Variants in MRPL35 observed in about 807,000 individuals in gnomAD.
MRPL35 encodes large ribosomal subunit protein bL35m.
In MRPL35, 18 loss-of-function variants were observed where a neutral mutation model predicts 21.6. The observed-to-expected ratio is 0.83, with a 90% confidence interval of 0.58 to 1.24. The LOEUF is 1.24. MRPL35 is among the 50% of genes most tolerant of loss of function. The pLI, the probability that MRPL35 is intolerant of heterozygous loss-of-function variation, is 0.00. For synonymous variants in MRPL35, 87 were observed against 86.9 expected (o/e 1.00, Z -0.01); for missense variants, 223 against 223.2 (o/e 1.00, Z 0.01).
At position 86,210,477 on chromosome 2, in the gene MRPL35, C is replaced by T. The variant is rs1237376015; in HGVS notation, c.379-3C>T. The T allele has an allele frequency of 6.2e-7, 1 of 1,600,648 alleles. No individual in the cohort carries two copies. The highest frequency in any genetic ancestry group is 2.2e-5 in the East Asian group (1 of 44,760). On this transcript the variant is annotated splice_polypyrimidine_tract_variant and splice_region_variant and intron_variant, in intron 3 of 3. Coordinates refer to ENST00000337109, the MANE Select transcript of MRPL35 (RefSeq NM_016622.4). The stretch of plus-strand genomic sequence containing the variant: ...TTTTACATTTCTTTGTAATATCTGA[C>T]AGGCTGGCTATAAGAAAAAATTATG...
At chr2:86,200,228 G>T (rs1673659781) in intron 1 of MRPL35, among the ~76,000 whole-genome samples, 1 of 152,104 alleles carries the variant, frequency 6.6e-6, no homozygotes, top group Non-Finnish European at 1.5e-5. Context: ...GAATATACGA[G>T]ATCAGTCAAG....
At chr2:86,207,634 A>T (rs910117240) in intron 3 of MRPL35, among the ~76,000 whole-genome samples, 1 of 152,230 alleles carries the variant, frequency 6.6e-6, no homozygotes, top group African/African-American at 2.4e-5. Context: ...ACTCCGTCTC[A>T]AAAAAGAAAA....
chr2:86,210,512 A>G lies in MRPL35; in HGVS notation c.411A>G (p.Thr137=). The G allele has an allele frequency of 6.2e-7, 1 of 1,609,168 alleles. No homozygotes were observed. Among genetic ancestry groups the G allele is most frequent in the Non-Finnish European group, 8.5e-7 (1 of 1,178,516 alleles). Reference sequence around the variant, plus strand: ...ATAAGAAAAAATTATGGAAAAAGACACCTGCAAGGAAGAAGCGATTGAGGG... The same window carrying G: ...ATAAGAAAAAATTATGGAAAAAGACGCCTGCAAGGAAGAAGCGATTGAGGG... ...AGYKKKLWKK[T]PARKKRLREF... is the part of the protein sequence containing the mutation. Residue 137 remains threonine (T), a synonymous_variant, in exon 4 of 4, where the codon ACA becomes ACG. Transcript: ENST00000337109.
chr2:86,212,390 T>C lies in MRPL35; in HGVS notation c.*1722T>C. On this transcript the variant is annotated 3_prime_UTR_variant, in exon 4 of 4. Coordinates refer to ENST00000337109, the MANE Select transcript of MRPL35 (RefSeq NM_016622.4). ...AAGCCTGAAACATGGAATGGCATTC[T>C]GTTTTGATGGATTTTCATTTCTTCG... 6.2e-7 allele frequency: 1 copy of C among 1,613,778 alleles called. No homozygotes were observed. The highest frequency in any genetic ancestry group is 8.5e-7 in the Non-Finnish European group (1 of 1,179,846).
In MRPL35 at chr2:86,213,060, A is replaced by G. The variant is rs1437136309; in HGVS notation, c.*2392A>G. 11 of 939,536 alleles carry G rather than the reference A, an allele frequency of 1.2e-5. No homozygotes were observed. The highest frequency in any genetic ancestry group is 1.3e-5 in the Non-Finnish European group (10 of 788,092). The allele number at this position is 939,536 out of a possible 1,614,324, so 58.2% of individuals were successfully genotyped here. On this transcript the variant is annotated 3_prime_UTR_variant, in exon 4 of 4. Transcript: ENST00000337109. ...GATTTGAGGAAACTGAAGCTGAGAG[A>G]GGGTTAAGTAAATTACCCAAAGTAC... is the stretch of plus-strand genomic sequence containing the variant.
chr2:86,210,369 C>A, intron 3 of MRPL35, 111 bp from the exon 4 acceptor site: 1 of 679,094 alleles, frequency 1.5e-6, no homozygotes, highest in Non-Finnish European at 2.1e-6. Context: ...AGTCCAGCCC[C>A]TATGGAAGTC....
Position 86,212,450 on chromosome 2 carries a change from C to G in MRPL35, c.*1782C>G. ...GACGGCAAAGCCAACCACTTAGAAG[C>G]CTTCCACATCTTTGTCACCTGCCTG... is the stretch of plus-strand genomic sequence containing the variant. On this transcript the variant is annotated 3_prime_UTR_variant, in exon 4 of 4. Transcript: ENST00000337109. The G allele has an allele frequency of 1.2e-6, 2 of 1,613,742 alleles. No individual in the cohort carries two copies. Among genetic ancestry groups the G allele is most frequent in the Non-Finnish European group, 1.7e-6 (2 of 1,179,838 alleles).
At chr2:86,207,455 A>G (rs1558856129) in intron 3 of MRPL35, 128 bp downstream of exon 3, 27 of 953,642 alleles carry the variant, frequency 2.8e-5, no homozygotes, top group Non-Finnish European at 3.4e-5. Context: ...CTTGGCCAAC[A>G]TGGTGAAACT....
At position 86,213,608 on chromosome 2, in the gene MRPL35, C is replaced by A; in HGVS notation, c.*2940C>A. 1 of 1,550,296 alleles carries A rather than the reference C, an allele frequency of 6.5e-7. No individual in the cohort carries two copies. The highest frequency in any genetic ancestry group is 8.7e-7 in the Non-Finnish European group (1 of 1,146,826). On this transcript the variant is annotated 3_prime_UTR_variant, in exon 4 of 4. Transcript: ENST00000337109. ...CAGGTTTAAGGGTGGCCCTTCACCA[C>A]CCTGTTGTCACCTGCACAGGCACTC... is the stretch of plus-strand genomic sequence containing the variant.
chr2:86,206,059 G>A (rs1673782139), intron 1 of MRPL35, 47 bp from the exon 2 acceptor site: 1 of 1,436,816 alleles, frequency 7.0e-7, no homozygotes, highest in South Asian at 1.3e-5. Context: ...TTTAATATCT[G>A]GATGCATATT....
chr2:86,199,832 A>G (rs186430947), intron 1 of MRPL35, among the ~76,000 whole-genome samples: 18 of 152,280 alleles, frequency 1.2e-4, no homozygotes, highest in African/African-American at 3.8e-4. Context: ...AGTCTCACCT[A>G]ACTTTCTGAT....
intron 1 of MRPL35, among the ~76,000 whole-genome samples, chr2:86,203,980 G>A (rs535825969): frequency 6.6e-6 from 1 of 151,522 alleles, no homozygotes; most frequent in South Asian, 2.1e-4. Context: ...CTCAGGTGGA[G>A]TATTTTTCGC....
intron 2 of MRPL35, 87 bp from the exon 3 acceptor site, chr2:86,207,096 G>T: frequency 7.6e-7 from 1 of 1,321,712 alleles, no homozygotes. Flanking sequence ...CATTGGAGCA[G>T]CTTTACTCAT....
Position 86,206,276 on chromosome 2 carries a change from A to G in MRPL35, c.214A>G (p.Thr72Ala). 6.2e-7 allele frequency: 1 copy of G among 1,613,102 alleles called. No individual in the cohort carries two copies. The highest frequency in any genetic ancestry group is 8.5e-7 in the Non-Finnish European group (1 of 1,179,378). ...TSERNLTCGH[T>A]SVILNRMAPV... is the part of the protein sequence containing the mutation. Reference sequence around the variant, plus strand: ...TGAGAGAAACCTGACATGTGGGCATACCTCAGTGATCCTTAATAGGTAGAG... The same window carrying G: ...TGAGAGAAACCTGACATGTGGGCATGCCTCAGTGATCCTTAATAGGTAGAG... Residue 72 changes from threonine (T) to alanine (A), a missense_variant, in exon 2 of 4, where the codon ACC (threonine) becomes GCC (alanine). Physicochemically the swap from Thr to Ala is moderately conservative, Grantham distance 58. Coordinates refer to ENST00000337109, the MANE Select transcript of MRPL35 (RefSeq NM_016622.4).
rs1015278005 is a variant in MRPL35 at position 86,210,995 on chromosome 2, A to G, written c.*327A>G. ...CAAAAGCTACAAGTTAGCTCAAGCA[A>G]TGTGACATTATTTCAAGGATATGTG... On this transcript the variant is annotated 3_prime_UTR_variant, in exon 4 of 4. Transcript: ENST00000337109. 43 of 1,002,758 alleles carry G rather than the reference A, an allele frequency of 4.3e-5. No individual in the cohort carries two copies. Among genetic ancestry groups the G allele is most frequent in the Non-Finnish European group, 4.9e-5 (41 of 841,234 alleles). 62.1% of individuals were successfully genotyped at this position (1,002,758 alleles called of 1,614,324 possible).
intron 1 of MRPL35, among the ~76,000 whole-genome samples, chr2:86,205,719 A>G (rs951356415): frequency 6.6e-6 from 1 of 152,136 alleles, no homozygotes; most frequent in Non-Finnish European, 1.5e-5. Flanking sequence ...CTCTCCAGGA[A>G]GGGTCCATGC....
chr2:86,206,773 G>A (rs759111905), intron 2 of MRPL35, among the ~76,000 whole-genome samples: 2 of 152,106 alleles, frequency 1.3e-5, no homozygotes, highest in South Asian at 2.1e-4. Flanking sequence ...TGCACAAGAC[G>A]CTCAGCTTAT....
rs568779958 is a variant in MRPL35, at chr2:86,202,815, C to T, written c.43+3282C>T. ...CAAGCAGTTCTCCTACCTCAGCCTC[C>T]GAGTAGCTGGGACTACAGGCGCGCG... On this transcript the variant is annotated intron_variant, in intron 1 of 3. Transcript: ENST00000337109. Among the ~76,000 whole-genome samples the T allele has an allele frequency of 4.6e-5, 7 of 152,136 alleles. No individual in the cohort carries two copies. In the South Asian group the frequency reaches 6.2e-4, roughly 14 times the overall value.
At chr2:86,202,673 T>C in intron 1 of MRPL35, among the ~76,000 whole-genome samples, 1 of 152,196 alleles carries the variant, frequency 6.6e-6, no homozygotes, top group East Asian at 1.9e-4. Context: ...ATGTTTATGC[T>C]ACCCTTTTCA....
Sources: gnomAD v4.1 joint callset for allele counts (sites outside exome capture counted in the v4.1 genomes callset) on GRCh38, gnomAD v4.1.1 for gene constraint, MANE v1.5 for transcripts, NCBI Gene and HGNC (gene_info 2026-07-23, HGNC 2026-07-21) for gene names.